MAGI2: variants seen among roughly 807,000 people sequenced by gnomAD.
MAGI2 encodes the protein membrane associated guanylate kinase, WW and PDZ domain containing 2.
MAGI2 carries 35 observed loss-of-function variants against 133.3 expected under a neutral mutation model. That is an observed-to-expected ratio of 0.26 (90% CI 0.20 to 0.35). The LOEUF is 0.35. Ranked by LOEUF, MAGI2 falls within the 10% of genes least tolerant of loss-of-function variation. The probability of loss-of-function intolerance (pLI) is 1.00; values close to 1 mark genes in which losing one functional copy is unlikely to be tolerated. For missense variants in MAGI2, 1,636 were observed against 1,863.4 expected (o/e 0.88, Z 2.25); for synonymous variants, 729 against 710.6 (o/e 1.03, Z -0.41).
At chr7:79,292,045 C>T (rs1305930014) in intron 1 of MAGI2, among the ~76,000 whole-genome samples, 3 of 152,014 alleles carry the variant, frequency 2.0e-5, no homozygotes, top group African/African-American at 7.2e-5. Context: ...TAGCTCTCAC[C>T]TATGCTCTAT....
intron 1 of MAGI2, among the ~76,000 whole-genome samples, chr7:79,330,353 C>T (rs1460102521): frequency 6.6e-6 from 1 of 151,750 alleles, no homozygotes; most frequent in Non-Finnish European, 1.5e-5. Flanking sequence ...GCCACCACGC[C>T]CGGCTAATTT....
intron 11 of MAGI2, among the ~76,000 whole-genome samples, chr7:78,196,327 A>G (rs533022568): frequency 6.6e-6 from 1 of 152,204 alleles, no homozygotes; most frequent in African/African-American, 2.4e-5. Context: ...CCATGTCTCA[A>G]ACAGATCAGA....
intron 2 of MAGI2, among the ~76,000 whole-genome samples, chr7:78,974,654 A>G (rs1195559584): frequency 6.6e-6 from 1 of 151,806 alleles, no homozygotes; most frequent in Non-Finnish European, 1.5e-5. Context: ...CTGGGAATTT[A>G]GAAATTTTTA....
At chr7:78,585,428 G>C (rs1321235210) in intron 3 of MAGI2, among the ~76,000 whole-genome samples, 1 of 152,204 alleles carries the variant, frequency 6.6e-6, no homozygotes, top group Non-Finnish European at 1.5e-5. Flanking sequence ...AGGAAGAACT[G>C]CAGTCTCTAC....
chr7:78,246,788 G>A (rs749800657), intron 10 of MAGI2, among the ~76,000 whole-genome samples: 59 of 152,280 alleles, frequency 3.9e-4, no homozygotes, highest in Admixed American at 6.5e-4. Flanking sequence ...AATTGCAGCT[G>A]TATCCTGCTC....
chr7:78,063,315 C>T (rs187674640), intron 21 of MAGI2, among the ~76,000 whole-genome samples: 3 of 152,282 alleles, frequency 2.0e-5, no homozygotes, highest in South Asian at 2.1e-4. Flanking sequence ...AATCATCGCT[C>T]GTTGCAGCCT....
intron 2 of MAGI2, among the ~76,000 whole-genome samples, chr7:78,925,935 T>C (rs1332851153): frequency 6.6e-6 from 1 of 152,044 alleles, no homozygotes; most frequent in African/African-American, 2.4e-5. Context: ...TTGAGAATGA[T>C]TGCTGTTCAC....
intron 15 of MAGI2, among the ~76,000 whole-genome samples, chr7:78,166,951 C>T (rs1584234768): frequency 6.6e-6 from 1 of 152,238 alleles, no homozygotes; most frequent in Non-Finnish European, 1.5e-5. Context: ...GCTACCAAAC[C>T]TCTGGGCGTC....
chr7:78,965,752 C>T (rs1253892232), intron 2 of MAGI2, among the ~76,000 whole-genome samples: 1 of 152,018 alleles, frequency 6.6e-6, no homozygotes, highest in Non-Finnish European at 1.5e-5. Flanking sequence ...TAGCTTGTTG[C>T]AATGATTCAA....
At chr7:78,728,855 G>A (rs1479549454) in intron 2 of MAGI2, among the ~76,000 whole-genome samples, 4 of 124,328 alleles carry the variant, frequency 3.2e-5, no homozygotes, top group African/African-American at 1.1e-4. Flanking sequence ...GTGAGCCACC[G>A]CGCCCGGCCC....
At chr7:78,928,612 G>A (rs1799886604) in intron 2 of MAGI2, among the ~76,000 whole-genome samples, 1 of 152,060 alleles carries the variant, frequency 6.6e-6, no homozygotes, top group Non-Finnish European at 1.5e-5. Flanking sequence ...CAATTAAATA[G>A]AAGCAAGGTG....
intron 3 of MAGI2, among the ~76,000 whole-genome samples, chr7:78,611,784 C>A (rs1435697643): frequency 6.6e-6 from 1 of 152,164 alleles, no homozygotes; most frequent in Non-Finnish European, 1.5e-5. Flanking sequence ...GTACTGCCAA[C>A]AATTCTTATG....
At chr7:78,604,429 C>G (rs1003899158) in intron 3 of MAGI2, among the ~76,000 whole-genome samples, 1 of 152,170 alleles carries the variant, frequency 6.6e-6, no homozygotes, top group Non-Finnish European at 1.5e-5. Context: ...GATTTGATTA[C>G]TTTACTGGCC....
chr7:78,664,994 G>A (rs1813390803), intron 2 of MAGI2, among the ~76,000 whole-genome samples: 1 of 151,980 alleles, frequency 6.6e-6, no homozygotes, highest in South Asian at 2.1e-4. Context: ...GAGGCATAAT[G>A]TCTTGTTATA....
At chr7:79,321,075 T>A (rs1378032013) in intron 1 of MAGI2, among the ~76,000 whole-genome samples, 1 of 152,128 alleles carries the variant, frequency 6.6e-6, no homozygotes, top group Non-Finnish European at 1.5e-5. Flanking sequence ...TGGACATAAT[T>A]TGGATAACAA....
intron 20 of MAGI2, among the ~76,000 whole-genome samples, chr7:78,123,349 C>T (rs758964782): frequency 8.5e-5 from 13 of 152,166 alleles, no homozygotes; most frequent in Non-Finnish European, 1.9e-4. Context: ...TGCCTGAAAT[C>T]ACAGGCAGAA....
intron 1 of MAGI2, among the ~76,000 whole-genome samples, chr7:79,164,148 A>T (rs1326829010): frequency 6.6e-6 from 1 of 152,056 alleles, no homozygotes; most frequent in African/African-American, 2.4e-5. Context: ...TTTTTGGCCA[A>T]GAGGGGAGAC....
intron 3 of MAGI2, among the ~76,000 whole-genome samples, chr7:78,552,550 T>C (rs1799441199): frequency 6.6e-6 from 1 of 152,170 alleles, no homozygotes; most frequent in African/African-American, 2.4e-5. Context: ...AAAACAGCCT[T>C]ATTAAACATT....
chr7:78,288,587 C>A (rs1204883823), intron 9 of MAGI2, among the ~76,000 whole-genome samples: 7 of 152,194 alleles, frequency 4.6e-5, no homozygotes, highest in African/African-American at 9.6e-5. Flanking sequence ...TCCAACTGAG[C>A]TTTGAAGAGT....
Sources: gnomAD v4.1 joint callset for allele counts (sites outside exome capture counted in the v4.1 genomes callset) on GRCh38, gnomAD v4.1.1 for gene constraint, MANE v1.5 for transcripts, NCBI Gene and HGNC (gene_info 2026-07-23, HGNC 2026-07-21) for gene names.